SLC39A11: variants seen among roughly 807,000 people sequenced by gnomAD.
SLC39A11 encodes solute carrier family 39 member 11.
SLC39A11 carries 33 observed loss-of-function variants against 36.1 expected under a neutral mutation model. The ratio of observed to expected loss-of-function variants is 0.91; its 90% CI spans 0.69 to 1.22. SLC39A11 has a LOEUF of 1.22. SLC39A11 is among the 50% of genes most tolerant of loss of function. SLC39A11 has a pLI of 0.00. For missense variants in SLC39A11, 432 were observed against 430.3 expected (o/e 1.00, Z -0.03); for synonymous variants, 166 against 170.3 (o/e 0.97, Z 0.20).
intron 5 of SLC39A11, among the ~76,000 whole-genome samples, chr17:72,890,448 G>C (rs1270885383): frequency 2.0e-5 from 3 of 152,122 alleles, no homozygotes; most frequent in Non-Finnish European, 4.4e-5. Context: ...AAGTGGATTT[G>C]GGGGATTAGA....
chr17:72,941,991 C>T (rs936928113), intron 5 of SLC39A11, among the ~76,000 whole-genome samples: 23 of 152,078 alleles, frequency 1.5e-4, no homozygotes, highest in African/African-American at 5.5e-4. Flanking sequence ...AGTGATTCTC[C>T]TGCCTCAGCC....
At chr17:72,673,129 G>T (rs183527271) in intron 7 of SLC39A11, among the ~76,000 whole-genome samples, 11 of 152,026 alleles carry the variant, frequency 7.2e-5, no homozygotes, top group African/African-American at 9.6e-5. Flanking sequence ...TTGAGACAGA[G>T]TCTTGTCTTA....
intron 7 of SLC39A11, among the ~76,000 whole-genome samples, chr17:72,728,541 C>G (rs558878766): frequency 6.6e-6 from 1 of 152,254 alleles, no homozygotes; most frequent in South Asian, 2.1e-4. Context: ...GCTTTTCAGC[C>G]TTAAGATTTC....
At chr17:73,040,370 A>T (rs1383732509) in intron 3 of SLC39A11, among the ~76,000 whole-genome samples, 2 of 152,228 alleles carry the variant, frequency 1.3e-5, no homozygotes, top group Admixed American at 1.3e-4. Flanking sequence ...CTCTGAATAA[A>T]AGGTACGCCT....
chr17:72,832,467 C>G (rs1764161425), intron 6 of SLC39A11, among the ~76,000 whole-genome samples: 2 of 152,202 alleles, frequency 1.3e-5, no homozygotes, highest in Non-Finnish European at 2.9e-5. Flanking sequence ...GAGAAGATGA[C>G]AGCCAAAAGT....
intron 5 of SLC39A11, among the ~76,000 whole-genome samples, chr17:72,920,686 C>A (rs2083610030): frequency 9.5e-6 from 1 of 105,020 alleles, no homozygotes; most frequent in South Asian, 3.3e-4. Flanking sequence ...CTTCTCACCC[C>A]CTTACAACAC....
intron 4 of SLC39A11, among the ~76,000 whole-genome samples, chr17:73,008,692 G>A (rs1463216121): frequency 6.6e-6 from 1 of 152,154 alleles, no homozygotes; most frequent in African/African-American, 2.4e-5. Flanking sequence ...CAAATGTCCA[G>A]CAATGGATGA....
At chr17:72,919,927 C>T (rs1397070160) in intron 5 of SLC39A11, among the ~76,000 whole-genome samples, 1 of 152,090 alleles carries the variant, frequency 6.6e-6, no homozygotes, top group Non-Finnish European at 1.5e-5. Context: ...AGGACTTCTT[C>T]GAATGCCTTT....
chr17:72,826,587 T>C (rs2078038281), intron 6 of SLC39A11, among the ~76,000 whole-genome samples: 1 of 152,208 alleles, frequency 6.6e-6, no homozygotes, highest in Non-Finnish European at 1.5e-5. Context: ...TTTATAAACT[T>C]CCTGACATTT....
intron 7 of SLC39A11, among the ~76,000 whole-genome samples, chr17:72,665,226 C>T (rs930282993): frequency 6.6e-6 from 1 of 152,010 alleles, no homozygotes; most frequent in Non-Finnish European, 1.5e-5. Context: ...ATCCTTCAGC[C>T]CCAGTCAAGA....
chr17:72,753,705 G>C (rs948640774), intron 6 of SLC39A11, among the ~76,000 whole-genome samples: 8 of 151,750 alleles, frequency 5.3e-5, no homozygotes, highest in Non-Finnish European at 1.2e-4. Flanking sequence ...AGGGAGGCGG[G>C]TTGACATTGA....
intron 4 of SLC39A11, among the ~76,000 whole-genome samples, chr17:72,994,238 C>G (rs1252327614): frequency 6.6e-6 from 1 of 152,088 alleles, no homozygotes; most frequent in Non-Finnish European, 1.5e-5. Flanking sequence ...CATTGTATAA[C>G]AGTCAAAAGG....
intron 3 of SLC39A11, chr17:73,073,740 G>C (rs1046084181): frequency 1.3e-5 from 2 of 152,160 alleles, no homozygotes; most frequent in Non-Finnish European, 2.9e-5. Flanking sequence ...GGACGGATCT[G>C]CTCTTGGTCC....
intron 4 of SLC39A11, among the ~76,000 whole-genome samples, chr17:73,004,430 T>G (rs1386511938): frequency 6.6e-6 from 1 of 152,100 alleles, no homozygotes; most frequent in African/African-American, 2.4e-5. Flanking sequence ...GACAGCGAGC[T>G]CTCTGGTGTC....
intron 2 of SLC39A11, among the ~76,000 whole-genome samples, 175 bp downstream of exon 2, chr17:73,088,482 C>G (rs2144902761): frequency 6.6e-6 from 1 of 152,098 alleles, no homozygotes; most frequent in Middle Eastern, 3.4e-3. Context: ...GTTCTCCCGG[C>G]CTGGCAGGGA....
At chr17:72,710,693 C>T (rs1024978340) in intron 7 of SLC39A11, among the ~76,000 whole-genome samples, 2 of 152,190 alleles carry the variant, frequency 1.3e-5, no homozygotes, top group African/African-American at 4.8e-5. Flanking sequence ...ACAATCTCCA[C>T]CTTATAAATC....
chr17:73,052,210 A>G (rs1280877962), intron 3 of SLC39A11, among the ~76,000 whole-genome samples: 1 of 152,106 alleles, frequency 6.6e-6, no homozygotes, highest in Non-Finnish European at 1.5e-5. Flanking sequence ...CTCAGAGGGA[A>G]TCTGGAGAAT....
At chr17:72,991,610 T>A (rs2148298647) in intron 4 of SLC39A11, among the ~76,000 whole-genome samples, 1 of 151,494 alleles carries the variant, frequency 6.6e-6, no homozygotes, top group South Asian at 2.1e-4. Flanking sequence ...CCCCCCGCCT[T>A]GGCCTCCCAA....
chr17:72,649,307 A>G (rs3924958), intron 7 of SLC39A11, 39 bp from the exon 8 acceptor site: 158,340 of 1,586,892 alleles, frequency 0.1, 8,731 homozygotes, highest in Admixed American at 0.2. Context: ...TGCTGTCTGG[A>G]ATAGGTGCTC....
Sources: gnomAD v4.1 joint callset for allele counts (sites outside exome capture counted in the v4.1 genomes callset) on GRCh38, gnomAD v4.1.1 for gene constraint, MANE v1.5 for transcripts, NCBI Gene and HGNC (gene_info 2026-07-23, HGNC 2026-07-21) for gene names.